MMP26: variants seen among roughly 807,000 people sequenced by gnomAD.
MMP26 encodes matrix metallopeptidase 26.
A neutral mutation model predicts 31.0 loss-of-function variants in MMP26; 33 were observed. That is an observed-to-expected ratio of 1.06 (90% CI 0.81 to 1.42). The LOEUF is 1.42. MMP26 is among the 40% of genes most tolerant of loss of function. MMP26 has a pLI of 0.00. For synonymous variants in MMP26, 122 were observed against 114.9 expected, an observed-to-expected ratio of 1.06 and a Z score of -0.40; for missense variants, 347 against 316.1, an observed-to-expected ratio of 1.10 and a Z score of -0.74.
intron 2 of MMP26, among the ~76,000 whole-genome samples, chr11:4,857,875 C>T (rs973730800): frequency 6.6e-6 from 1 of 152,118 alleles, no homozygotes; most frequent in African/African-American, 2.4e-5. Context: ...AGCTTATCCG[C>T]CACGATCATG....
At chr11:4,835,568 G>C (rs1043434398) in intron 2 of MMP26, among the ~76,000 whole-genome samples, 6 of 152,146 alleles carry the variant, frequency 3.9e-5, no homozygotes, top group African/African-American at 1.4e-4. Flanking sequence ...GTACAGGAGA[G>C]AGTGGGAAAA....
intron 2 of MMP26, among the ~76,000 whole-genome samples, chr11:4,929,313 G>GT (rs1275282713): frequency 6.6e-6 from 1 of 151,970 alleles, no homozygotes; most frequent in Non-Finnish European, 1.5e-5. Context: ...GCAAAAGAAA[G>GT]TTTGTGCTTC....
chr11:4,980,240 A>G (rs1387226754), intron 2 of MMP26, among the ~76,000 whole-genome samples: 1 of 152,022 alleles, frequency 6.6e-6, no homozygotes, highest in East Asian at 1.9e-4. Flanking sequence ...TCTTCCGGCC[A>G]TTTGGTTTCT....
At chr11:4,851,819 A>C (rs1849979724) in intron 2 of MMP26, among the ~76,000 whole-genome samples, 1 of 152,098 alleles carries the variant, frequency 6.6e-6, no homozygotes, top group Non-Finnish European at 1.5e-5. Context: ...TAAAAAAATA[A>C]AAAGATGAAT....
chr11:4,857,730 C>G (rs1428664302), intron 2 of MMP26, among the ~76,000 whole-genome samples: 1 of 152,140 alleles, frequency 6.6e-6, no homozygotes, highest in African/African-American at 2.4e-5. Flanking sequence ...TTTTATGAGG[C>G]CAGCATCATC....
intron 2 of MMP26, chr11:4,882,874 A>G (rs777867686): frequency 9.3e-6 from 15 of 1,611,704 alleles, no homozygotes; most frequent in Admixed American, 3.3e-5. Flanking sequence ...TTAGGGGAAG[A>G]TGGGATTGAA....
At chr11:4,728,835 T>C (rs1454841063) in intron 1 of MMP26, among the ~76,000 whole-genome samples, 5 of 152,068 alleles carry the variant, frequency 3.3e-5, no homozygotes, top group Non-Finnish European at 4.4e-5. Context: ...ACAGAGCACA[T>C]GGAATTGTTT....
intron 2 of MMP26, among the ~76,000 whole-genome samples, chr11:4,955,940 A>G (rs1226011384): frequency 6.6e-6 from 1 of 152,220 alleles, no homozygotes; most frequent in Non-Finnish European, 1.5e-5. Context: ...CTATTAATGC[A>G]TTGGGAAAAT....
intron 1 of MMP26, among the ~76,000 whole-genome samples, chr11:4,745,464 G>C (rs1848367579): frequency 6.6e-6 from 1 of 152,146 alleles, no homozygotes; most frequent in African/African-American, 2.4e-5. Flanking sequence ...ATAAGTTTTA[G>C]GTTCACAGCA....
intron 1 of MMP26, among the ~76,000 whole-genome samples, chr11:4,714,872 CAG>C (rs1847904660): frequency 6.6e-6 from 1 of 151,152 alleles, no homozygotes; most frequent in African/African-American, 2.4e-5. Context: ...AATACTAGGA[CAG>C]AGTCTTCCAT....
intron 2 of MMP26, among the ~76,000 whole-genome samples, chr11:4,966,076 G>A (rs911633126): frequency 6.6e-6 from 1 of 152,266 alleles, no homozygotes; most frequent in Non-Finnish European, 1.5e-5. Flanking sequence ...AGTACAATGA[G>A]TTATGCATTA....
At chr11:4,796,781 G>A (rs574289130) in intron 2 of MMP26, among the ~76,000 whole-genome samples, 78 of 152,180 alleles carry the variant, frequency 5.1e-4, no homozygotes, top group East Asian at 5.8e-4. Context: ...TGCTGCTGCC[G>A]CAGTGCTTCT....
intron 2 of MMP26, among the ~76,000 whole-genome samples, chr11:4,960,519 C>T (rs574382579): frequency 4.4e-4 from 57 of 128,932 alleles, no homozygotes; most frequent in Non-Finnish European, 8.0e-4. Context: ...GTTGCTGCTA[C>T]GTGGGTCTAT....
At chr11:4,789,007 C>T (rs1279856692) in intron 2 of MMP26, among the ~76,000 whole-genome samples, 2 of 152,146 alleles carry the variant, frequency 1.3e-5, no homozygotes, top group Non-Finnish European at 2.9e-5. Flanking sequence ...GAGCCTGATT[C>T]TCTCTTTGTG....
chr11:4,914,978 G>A lies in MMP26; in HGVS notation c.-144-73090G>A, dbSNP rs1320171570. 3.1e-6 allele frequency: 5 copies of A among 1,614,140 alleles called. No homozygotes were observed. In the East Asian group the frequency reaches 1.1e-4, roughly 36 times the overall value. On this transcript the variant is annotated intron_variant, in intron 2 of 7. Transcript: ENST00000380390. ...AGCCCTGGAGGCGATGGACAGCACG[G>A]TGCGCAGGATCAGAGCATAAGAGAA...
At chr11:4,984,842 A>G (rs1368388225) in intron 2 of MMP26, among the ~76,000 whole-genome samples, 1 of 152,194 alleles carries the variant, frequency 6.6e-6, no homozygotes, top group Non-Finnish European at 1.5e-5. Flanking sequence ...ACCATGCTCT[A>G]TGGGGGTTCT....
At chr11:4,961,055 T>G (rs954040808) in intron 2 of MMP26, among the ~76,000 whole-genome samples, 1 of 152,214 alleles carries the variant, frequency 6.6e-6, no homozygotes, top group African/African-American at 2.4e-5. Context: ...AGCCTTTTGA[T>G]GAGATCAGTC....
At chr11:4,759,235 C>G (rs1340502590) in intron 1 of MMP26, among the ~76,000 whole-genome samples, 2 of 151,578 alleles carry the variant, frequency 1.3e-5, no homozygotes, top group African/African-American at 4.8e-5. Flanking sequence ...CAAAGAAATG[C>G]TAATTAAAAC....
chr11:4,913,788 G>T (rs1851028756), intron 2 of MMP26: 1 of 152,072 alleles, frequency 6.6e-6, no homozygotes, highest in East Asian at 1.9e-4. Flanking sequence ...CTTCAGCTTT[G>T]CACATGCTGT....
Sources: gnomAD v4.1 joint callset for allele counts (sites outside exome capture counted in the v4.1 genomes callset) on GRCh38, gnomAD v4.1.1 for gene constraint, MANE v1.5 for transcripts, NCBI Gene and HGNC (gene_info 2026-07-23, HGNC 2026-07-21) for gene names.